The following RBMS3 variants were observed in gnomAD, a reference collection of about 807,000 sequenced individuals.
RBMS3 encodes RNA binding motif single stranded interacting protein 3.
Under a neutral mutation model 66.8 loss-of-function variants are expected in RBMS3, and 27 were observed. That is an observed-to-expected ratio of 0.40 (90% CI 0.30 to 0.56). The LOEUF (loss-of-function observed/expected upper bound fraction) is 0.56. Among genes scored for constraint, RBMS3 ranks in the 20% least tolerant of loss-of-function variants. The pLI, the probability that RBMS3 is intolerant of heterozygous loss-of-function variation, is 0.40. For missense variants in RBMS3, 513 were observed against 549.5 expected, an observed-to-expected ratio of 0.93 and a Z score of 0.66; for synonymous variants, 188 against 183.0, an observed-to-expected ratio of 1.03 and a Z score of -0.22.
Position 29,462,989 on chromosome 3 carries a change from T to C in RBMS3, c.249-25452T>C, listed in dbSNP as rs1040933305. On this transcript the variant is annotated intron_variant, in intron 2 of 14. Transcript: ENST00000383767. ...TAGAGGGAAACTATAGATATAATGC[T>C]ATTGTTAGGAATTTTTAAATCTCAT... Among the ~76,000 whole-genome samples the C allele has an allele frequency of 5.3e-5, 8 of 152,336 alleles. No individual in the cohort carries two copies. In the South Asian group the frequency reaches 1.4e-3, roughly 28 times the overall value.
At chr3:29,997,298 T>C (rs1230124590) in intron 14 of RBMS3, among the ~76,000 whole-genome samples, 1 of 150,512 alleles carries the variant, frequency 6.6e-6, no homozygotes. Context: ...CCAAAAAGAG[T>C]CCAGGATCAC....
chr3:29,992,523 C>T (rs1471946770), intron 14 of RBMS3, among the ~76,000 whole-genome samples: 2 of 152,004 alleles, frequency 1.3e-5, no homozygotes, highest in African/African-American at 4.8e-5. Flanking sequence ...GGCGTGAACC[C>T]GGGAGGCGGA....
intron 1 of RBMS3, among the ~76,000 whole-genome samples, chr3:29,416,737 G>A (rs1352078738): frequency 6.6e-6 from 1 of 152,024 alleles, no homozygotes; most frequent in East Asian, 1.9e-4. Flanking sequence ...GGAACGTGCT[G>A]GGCCAACTCA....
chr3:29,920,897 G>T (rs914379237), intron 10 of RBMS3, among the ~76,000 whole-genome samples: 157 of 151,056 alleles, frequency 1.0e-3, no homozygotes, highest in African/African-American at 3.6e-3. Context: ...ATAAACCAGT[G>T]AAGCTTTAAT....
At chr3:29,898,736 C>CGTGTGTGTGTGT (rs3072651) in intron 9 of RBMS3, among the ~76,000 whole-genome samples, 1,569 of 142,598 alleles carry the variant, frequency 0.011, 29 homozygotes, top group African/African-American at 0.036. Context: ...TTGTAATGTG[C>CGTGTGTGTGTGT]GTGTGTGTGT....
At chr3:29,291,128 T>C (rs1259497202) in intron 1 of RBMS3, among the ~76,000 whole-genome samples, 1 of 151,880 alleles carries the variant, frequency 6.6e-6, no homozygotes, top group Non-Finnish European at 1.5e-5. Flanking sequence ...GTTGACAATG[T>C]ATTATGTTTT....
rs190317092 is a variant in RBMS3 at position 29,800,145 on chromosome 3, A to T, written c.637+37156A>T. ...GCTGGTCTGATACAGTGCAGGGAAA[A>T]ATATTCAGTTTTATTCACTCCCTGC... On this transcript the variant is annotated intron_variant, in intron 6 of 14. Coordinates refer to ENST00000383767, the MANE Select transcript of RBMS3 (RefSeq NM_001003793.3). Among the ~76,000 whole-genome samples, 301 of 152,300 alleles carry T rather than the reference A, an allele frequency of 2.0e-3. 1 individual carries two copies. The highest frequency in any genetic ancestry group is 5.6e-3 in the Admixed American group (85 of 15,294).
chr3:29,401,519 G>A (rs901530701), intron 1 of RBMS3, among the ~76,000 whole-genome samples: 1 of 151,962 alleles, frequency 6.6e-6, no homozygotes, highest in Non-Finnish European at 1.5e-5. Flanking sequence ...CTACAGGAAG[G>A]GATGTTGCTT....
At chr3:29,680,069 G>C (rs1190836545) in intron 4 of RBMS3, among the ~76,000 whole-genome samples, 8 of 152,086 alleles carry the variant, frequency 5.3e-5, no homozygotes, top group Admixed American at 5.2e-4. Context: ...CTTTGCACTT[G>C]TTTTACAAAG....
At chr3:29,392,902 G>GAAA (rs5847566) in intron 1 of RBMS3, among the ~76,000 whole-genome samples, 27 of 144,604 alleles carry the variant, frequency 1.9e-4, no homozygotes, top group African/African-American at 6.8e-4. Flanking sequence ...AGTGTCTACA[G>GAAA]AAAAAAAAAA....
At chr3:29,874,977 C>A (rs1187964753) in intron 7 of RBMS3, among the ~76,000 whole-genome samples, 1 of 152,124 alleles carries the variant, frequency 6.6e-6, no homozygotes, top group Non-Finnish European at 1.5e-5. Context: ...GTATAACATA[C>A]TTAGGTTCTT....
intron 1 of RBMS3, among the ~76,000 whole-genome samples, chr3:29,373,539 T>A (rs1029256294): frequency 6.6e-6 from 1 of 152,266 alleles, no homozygotes; most frequent in Admixed American, 6.5e-5. Flanking sequence ...AAACCCTTGG[T>A]GTTGGTTTGA....
chr3:29,430,590 G>A (rs2125716411), intron 1 of RBMS3, among the ~76,000 whole-genome samples: 1 of 152,256 alleles, frequency 6.6e-6, no homozygotes. Flanking sequence ...TTTACTAAAT[G>A]GTGTTCTGGT....
intron 1 of RBMS3, among the ~76,000 whole-genome samples, chr3:29,421,915 C>T (rs1385982889): frequency 6.6e-6 from 1 of 152,128 alleles, no homozygotes; most frequent in Non-Finnish European, 1.5e-5. Flanking sequence ...ACCAATATAC[C>T]TGTTAACCAA....
chr3:29,486,276 T>G (rs1057047345), intron 2 of RBMS3, among the ~76,000 whole-genome samples: 79 of 152,290 alleles, frequency 5.2e-4, no homozygotes, highest in African/African-American at 1.8e-3. Context: ...CTTCTCTTGT[T>G]GTTTAAAGCA....
chr3:29,745,601 G>A (rs2054855230), intron 5 of RBMS3, among the ~76,000 whole-genome samples: 1 of 152,122 alleles, frequency 6.6e-6, no homozygotes, highest in Admixed American at 6.5e-5. Context: ...GTGGGGGACA[G>A]GGGGAGCAGG....
intron 1 of RBMS3, among the ~76,000 whole-genome samples, chr3:29,416,183 T>C: frequency 6.7e-6 from 1 of 150,336 alleles, no homozygotes; most frequent in South Asian, 2.1e-4. Flanking sequence ...GACAGAGAGA[T>C]AGAATTTTCA....
At chr3:29,867,603 T>G (rs1443888449) in intron 6 of RBMS3, among the ~76,000 whole-genome samples, 1 of 149,614 alleles carries the variant, frequency 6.7e-6, no homozygotes, top group East Asian at 2.0e-4. Flanking sequence ...CACATATCCA[T>G]GCAGAGGAGC....
At chr3:29,517,269 A>ATGTGTGTG (rs1338597930) in intron 3 of RBMS3, among the ~76,000 whole-genome samples, 1 of 120,484 alleles carries the variant, frequency 8.3e-6, no homozygotes, top group Admixed American at 9.0e-5. Flanking sequence ...GTGATTTCAT[A>ATGTGTGTG]TATGTGTGTG....
Sources: gnomAD v4.1 joint callset for allele counts (sites outside exome capture counted in the v4.1 genomes callset) on GRCh38, gnomAD v4.1.1 for gene constraint, MANE v1.5 for transcripts, NCBI Gene and HGNC (gene_info 2026-07-23, HGNC 2026-07-21) for gene names.